The following JAZF1 variants were observed in gnomAD, a reference collection of about 807,000 sequenced individuals.
JAZF1 encodes the protein juxtaposed with another zinc finger protein 1.
Under a neutral mutation model 26.4 loss-of-function variants are expected in JAZF1, and 8 were observed. The ratio of observed to expected loss-of-function variants is 0.30; its 90% confidence interval spans 0.18 to 0.55. JAZF1 has a LOEUF of 0.55. Ranked by LOEUF, JAZF1 falls within the 20% of genes least tolerant of loss-of-function variation. The pLI is 0.94. For missense variants in JAZF1, 199 were observed against 322.0 expected (o/e 0.62, Z 2.92); for synonymous variants, 126 against 122.3 (o/e 1.03, Z -0.20).
chr7:28,155,975 G>A (rs769853346), intron 1 of JAZF1, among the ~76,000 whole-genome samples: 63 of 152,344 alleles, frequency 4.1e-4, no homozygotes, highest in Non-Finnish European at 8.7e-4. Flanking sequence ...ATAAGCTAAT[G>A]TAGGTAATGT....
intron 1 of JAZF1, among the ~76,000 whole-genome samples, chr7:28,072,429 C>T (rs1783991801): frequency 6.6e-6 from 1 of 152,140 alleles, no homozygotes; most frequent in Non-Finnish European, 1.5e-5. Flanking sequence ...TAATTGTTAC[C>T]ATATTTACTT....
chr7:27,992,280 T>C (rs1785923071), intron 1 of JAZF1: 2 of 493,300 alleles, frequency 4.1e-6, no homozygotes, highest in Admixed American at 2.5e-5. Context: ...GTTACAATGT[T>C]GGCATGGTTT....
rs554068593 is a variant in JAZF1, at chr7:28,077,535, A to G, written c.116-85554T>C. Among the ~76,000 whole-genome samples the G allele has an allele frequency of 1.2e-4, 19 of 152,092 alleles. 1 individual carries two copies. Among genetic ancestry groups the G allele is most frequent in the Admixed American group, 3.9e-4 (6 of 15,294 alleles). ...TTTTTTTTTTCTACAACAAATAAAT[A>G]AAAGCACTTAAAATTAATTACCTGA... On this transcript the variant is annotated intron_variant, in intron 1 of 4. Transcript: ENST00000283928.
intron 1 of JAZF1, among the ~76,000 whole-genome samples, chr7:28,166,160 T>C (rs1041210122): frequency 6.6e-6 from 1 of 152,198 alleles, no homozygotes; most frequent in South Asian, 2.1e-4. Flanking sequence ...CTTACTCAAC[T>C]ACTGCTGAGT....
intron 1 of JAZF1, among the ~76,000 whole-genome samples, chr7:28,110,515 A>G (rs201549092): frequency 0.054 from 3,094 of 57,212 alleles, 87 homozygotes; most frequent in East Asian, 0.26. Context: ...AAAGGAAAGG[A>G]AAAGGAAAAG....
At position 28,026,132 on chromosome 7, in the gene JAZF1, T is replaced by C. The variant is rs183371077; in HGVS notation, c.116-34151A>G. ...CTTAAGGCCTAGGTTACAGGAAGTC[T>C]AGAGGCCCCACTGGGTCTGGTTGCC... On this transcript the variant is annotated intron_variant, in intron 1 of 4. Transcript: ENST00000283928. Among the ~76,000 whole-genome samples the C allele has an allele frequency of 1.2e-4, 18 of 152,286 alleles. No individual in the cohort carries two copies. The East Asian group carries it at 3.5e-3, about 29-fold the overall frequency.
At chr7:27,901,183 C>T (rs1784155874) in intron 2 of JAZF1, among the ~76,000 whole-genome samples, 1 of 152,172 alleles carries the variant, frequency 6.6e-6, no homozygotes, top group Non-Finnish European at 1.5e-5. Context: ...GAAACTGAAA[C>T]TGCTGTAAGA....
chr7:28,066,790 T>A (rs1219334728), intron 1 of JAZF1, among the ~76,000 whole-genome samples: 1 of 152,062 alleles, frequency 6.6e-6, no homozygotes, highest in Non-Finnish European at 1.5e-5. Flanking sequence ...GCTGTTGATT[T>A]GATTGTTACT....
chr7:28,050,499 CACA>C (rs10597363), intron 1 of JAZF1, among the ~76,000 whole-genome samples: 10,250 of 152,074 alleles, frequency 0.067, 1,153 homozygotes, highest in African/African-American at 0.23. Flanking sequence ...AATTGTATTC[CACA>C]ACAACAACAG....
chr7:27,871,866 G>C (rs1783589137), intron 3 of JAZF1, among the ~76,000 whole-genome samples: 1 of 152,168 alleles, frequency 6.6e-6, no homozygotes, highest in Non-Finnish European at 1.5e-5. Context: ...TGTCAAGGAT[G>C]GAAGGTGGGG....
chr7:28,139,044 A>C (rs1246903934), intron 1 of JAZF1, among the ~76,000 whole-genome samples: 1 of 152,174 alleles, frequency 6.6e-6, no homozygotes, highest in Non-Finnish European at 1.5e-5. Flanking sequence ...CCAGCACTGA[A>C]GATCAGGGGC....
At chr7:28,168,470 C>T (rs953158143) in intron 1 of JAZF1, among the ~76,000 whole-genome samples, 15 of 150,670 alleles carry the variant, frequency 1.0e-4, no homozygotes, top group Middle Eastern at 3.4e-3. Flanking sequence ...TAAATAAAAG[C>T]ATCTGCCAAC....
intron 2 of JAZF1, among the ~76,000 whole-genome samples, chr7:27,982,313 T>TGGCTCAAAGGGTCCCACGCCC: frequency 6.6e-6 from 1 of 151,860 alleles, no homozygotes; most frequent in Admixed American, 6.6e-5. Flanking sequence ...ATCCCGCGCA[T>TGGCTCAAAGGGTCCCACGCCC]GGCTCAGAGG....
chr7:27,858,803 T>G (rs765415818), intron 3 of JAZF1, among the ~76,000 whole-genome samples: 5 of 152,042 alleles, frequency 3.3e-5, no homozygotes, highest in Non-Finnish European at 7.4e-5. Context: ...GCAATACCAT[T>G]CAGGACATAG....
chr7:28,091,836 G>A lies in JAZF1; in HGVS notation c.115+88627C>T, dbSNP rs1435948909. Among the ~76,000 whole-genome samples, 7 of 152,004 alleles carry A rather than the reference G, an allele frequency of 4.6e-5. No homozygotes were observed. In the East Asian group the frequency reaches 1.3e-3, roughly 29 times the overall value. On this transcript the variant is annotated intron_variant, in intron 1 of 4. Coordinates refer to ENST00000283928, the MANE Select transcript of JAZF1 (RefSeq NM_175061.4). The stretch of plus-strand genomic sequence containing the variant: ...ATTCTCTTGTTTTAAATGATGATGG[G>A]TCCTTGAATCCTGTGTAATGGAACT...
intron 1 of JAZF1, among the ~76,000 whole-genome samples, chr7:28,000,635 T>C (rs1786134845): frequency 7.1e-6 from 1 of 140,868 alleles, no homozygotes; most frequent in Non-Finnish European, 1.5e-5. Flanking sequence ...TTTTTTTTTT[T>C]TTTTTGAGAC....
intron 1 of JAZF1, among the ~76,000 whole-genome samples, chr7:28,160,249 G>A (rs1033426532): frequency 2.0e-5 from 3 of 152,154 alleles, no homozygotes; most frequent in South Asian, 2.1e-4. Flanking sequence ...GTTGAGAAAC[G>A]TGAATTTGCA....
chr7:28,160,450 C>T (rs1439903969), intron 1 of JAZF1, among the ~76,000 whole-genome samples: 5 of 152,094 alleles, frequency 3.3e-5, no homozygotes, highest in Admixed American at 6.5e-5. Flanking sequence ...TGGCTGCACC[C>T]CCAGCACTTA....
At chr7:27,856,211 G>T (rs1476853696) in intron 3 of JAZF1, among the ~76,000 whole-genome samples, 2 of 152,142 alleles carry the variant, frequency 1.3e-5, no homozygotes, top group African/African-American at 4.8e-5. Context: ...TCGTGGTCTC[G>T]CTGGCTCAGG....
Sources: allele counts gnomAD v4.1 joint callset (sites outside exome capture counted in the v4.1 genomes callset), GRCh38; gene constraint gnomAD v4.1.1; transcripts MANE v1.5; gene names NCBI Gene and HGNC (gene_info 2026-07-23, HGNC 2026-07-21).